Variants in MBTPS1 observed in about 807,000 individuals in gnomAD.
MBTPS1 encodes membrane bound transcription factor peptidase, site 1.
MBTPS1 carries 94 observed loss-of-function variants against 127.8 expected under a neutral mutation model. That is an observed-to-expected ratio of 0.74 (90% CI 0.62 to 0.87). The LOEUF (loss-of-function observed/expected upper bound fraction) is 0.87, where lower values mean the gene tolerates loss of function less well. Among genes scored for constraint, MBTPS1 ranks in the 40% least tolerant of loss-of-function variants. The pLI, the probability that MBTPS1 is intolerant of heterozygous loss-of-function variation, is 0.00. For synonymous variants in MBTPS1, 632 were observed against 509.4 expected (o/e 1.24, Z -3.24); for missense variants, 1,636 against 1,353.2 (o/e 1.21, Z -3.28).
intron 8 of MBTPS1, among the ~76,000 whole-genome samples, chr16:84,088,540 C>G (rs952315329): frequency 1.3e-5 from 2 of 152,212 alleles, no homozygotes; most frequent in Non-Finnish European, 2.9e-5. Flanking sequence ...CCACCCTCCT[C>G]TACCTGCTAA....
intron 1 of MBTPS1, among the ~76,000 whole-genome samples, chr16:84,111,058 C>T (rs115128671): frequency 6.6e-6 from 1 of 152,238 alleles, no homozygotes; most frequent in Non-Finnish European, 1.5e-5. Flanking sequence ...CTCACATCCT[C>T]ATTCCTAGAA....
chr16:84,101,899 T>G lies in MBTPS1; in HGVS notation c.-116A>C, dbSNP rs1205399347. 1 of 934,758 alleles carries G rather than the reference T, an allele frequency of 1.1e-6. No individual in the cohort carries two copies. Among genetic ancestry groups the G allele is most frequent in the Non-Finnish European group, 1.7e-6 (1 of 602,590 alleles). 57.9% of individuals were successfully genotyped at this position (934,758 alleles called of 1,614,324 possible). ...GCTGCAACATTACTAATCAGCCATC[T>G]TACAGTCTTGCCCAACATAAATAAA... On this transcript the variant is annotated 5_prime_UTR_variant, in exon 2 of 23. The change abolishes the stop of an existing upstream ORF in the 5' untranslated region. Coordinates refer to ENST00000343411, the MANE Select transcript of MBTPS1 (RefSeq NM_003791.4).
chr16:84,081,969 T>A, intron 10 of MBTPS1, 61 bp from the exon 11 acceptor site: 1 of 1,269,794 alleles, frequency 7.9e-7, no homozygotes. Flanking sequence ...ATTGGACCAC[T>A]AAAACCTAAC....
At chr16:84,059,769 G>T in intron 20 of MBTPS1, 4 of 160,032 alleles carry the variant, frequency 2.5e-5, no homozygotes, top group Non-Finnish European at 5.4e-5. Context: ...CGGTTTCATG[G>T]AAAAAATACT....
chr16:84,070,186 T>C (rs2085750056), intron 13 of MBTPS1, 148 bp from the exon 14 acceptor site: 1 of 699,606 alleles, frequency 1.4e-6, no homozygotes, highest in Non-Finnish European at 2.3e-6. Flanking sequence ...AAGATTCATG[T>C]ATCATAACTA....
chr16:84,112,741 G>A (rs1038166356), intron 1 of MBTPS1, among the ~76,000 whole-genome samples: 46 of 151,364 alleles, frequency 3.0e-4, no homozygotes, highest in Admixed American at 2.1e-3. Context: ...GTGGGAGGCC[G>A]AGACGGGCAG....
Position 84,070,073 on chromosome 16 carries a change from A to G in MBTPS1, c.1783-35T>C, listed in dbSNP as rs763779752. On this transcript the variant is annotated intron_variant, in intron 13 of 22. Coordinates refer to ENST00000343411, the MANE Select transcript of MBTPS1 (RefSeq NM_003791.4). ...AAGAAAAGAAACTTGAAACGCCCTCATTGTGCAGAAAGAAACTTTCAGGTT... is the reference window on the plus strand; with the variant it reads ...AAGAAAAGAAACTTGAAACGCCCTCGTTGTGCAGAAAGAAACTTTCAGGTT... The G allele has an allele frequency of 3.9e-6, 6 of 1,530,088 alleles. No individual in the cohort carries two copies. The Admixed American group carries it at 9.3e-5, about 24-fold the overall frequency. The allele number at this position is 1,530,088 out of a possible 1,614,324, so 94.8% of individuals were successfully genotyped here. A position where few individuals can be genotyped will look rare whatever the true frequency, so the allele number is the denominator to read the frequency against.
At chr16:84,071,312 G>A (rs774828803) in intron 12 of MBTPS1, among the ~76,000 whole-genome samples, 1 of 152,234 alleles carries the variant, frequency 6.6e-6, no homozygotes, top group Admixed American at 6.5e-5. Context: ...AGGGAAGCGT[G>A]AGCAGAGGCC....
intron 17 of MBTPS1, among the ~76,000 whole-genome samples, chr16:84,066,286 C>T (rs2085681920): frequency 6.6e-6 from 1 of 151,830 alleles, no homozygotes; most frequent in Non-Finnish European, 1.5e-5. Flanking sequence ...TTAGGAATGG[C>T]TACATAAAAT....
At chr16:84,069,031 C>G (rs1056299064) in intron 14 of MBTPS1, among the ~76,000 whole-genome samples, 4 of 152,196 alleles carry the variant, frequency 2.6e-5, no homozygotes, top group African/African-American at 9.7e-5. Flanking sequence ...ACGGGCTTGC[C>G]TTGGTCTATG....
chr16:84,057,664 G>C (rs113838934), intron 21 of MBTPS1: 2 of 152,192 alleles, frequency 1.3e-5, no homozygotes, highest in East Asian at 1.9e-4. Flanking sequence ...ATCTCTTTTG[G>C]AGACTCAGAA....
At chr16:84,102,227 A>G (rs1198502366) in intron 1 of MBTPS1, 120 bp from the exon 2 acceptor site, 1 of 153,688 alleles carries the variant, frequency 6.5e-6, no homozygotes, top group Non-Finnish European at 1.4e-5. Context: ...AGGTGCCTGT[A>G]GATCAGCTGC....
chr16:84,059,732 T>A, intron 20 of MBTPS1: 1 of 191,466 alleles, frequency 5.2e-6, no homozygotes, highest in Non-Finnish European at 1.1e-5. Context: ...CACGCAAGGC[T>A]ACACCTGCGA....
At position 84,056,066 on chromosome 16, in the gene MBTPS1, C is replaced by A. The variant is rs372288313; in HGVS notation, c.2901G>T (p.Ser967=). Residue 967 remains serine (S), a synonymous_variant, in exon 22 of 23, where the codon TCG becomes TCT. Transcript: ENST00000343411. ...LDKVVLPNFR[S]NRPQVRPLSP... The stretch of plus-strand genomic sequence containing the variant: ...ACAAGGGCCTCACTTGAGGGCGATT[C>A]GATCGAAAGTTGGGTAACACCACCT... 8 of 1,613,964 alleles carry A rather than the reference C, an allele frequency of 5.0e-6. No individual in the cohort carries two copies. In the African/African-American group the frequency reaches 5.3e-5, roughly 11 times the overall value.
At chr16:84,100,000 G>A (rs1365057509) in intron 2 of MBTPS1, among the ~76,000 whole-genome samples, 3 of 152,212 alleles carry the variant, frequency 2.0e-5, no homozygotes, top group Admixed American at 2.0e-4. Context: ...TTCCAGAGTG[G>A]ATTATGTGAG....
At chr16:84,094,873 A>T (rs747614568) in intron 4 of MBTPS1, among the ~76,000 whole-genome samples, 1 of 152,230 alleles carries the variant, frequency 6.6e-6, no homozygotes, top group Non-Finnish European at 1.5e-5. Context: ...AGGAGATCAA[A>T]GGAGAGGTAA....
At chr16:84,058,443 CGGCCAGGG>C (rs2085552367) in intron 21 of MBTPS1, among the ~76,000 whole-genome samples, 1 of 152,172 alleles carries the variant, frequency 6.6e-6, no homozygotes, top group African/African-American at 2.4e-5. Context: ...GGGTACCAGG[CGGCCAGGG>C]GGCCTCGGAG....
intron 1 of MBTPS1, among the ~76,000 whole-genome samples, chr16:84,107,359 T>C (rs1013418291): frequency 6.6e-6 from 1 of 152,020 alleles, no homozygotes; most frequent in African/African-American, 2.4e-5. Flanking sequence ...GAAGGTGCCT[T>C]CAAGTGTAAA....
In MBTPS1 at chr16:84,101,983, C is replaced by A; in HGVS notation, c.-200G>T. 1.9e-6 allele frequency: 1 copy of A among 540,508 alleles called. No homozygotes were observed. The highest frequency in any genetic ancestry group is 3.3e-6 in the Non-Finnish European group (1 of 302,880). 33.5% of individuals were successfully genotyped at this position (540,508 alleles called of 1,614,324 possible). On this transcript the variant is annotated 5_prime_UTR_variant, in exon 2 of 23. Coordinates refer to ENST00000343411, the MANE Select transcript of MBTPS1 (RefSeq NM_003791.4). ...GAAGAGAGGCTTTCATTTCTTTCTC[C>A]GCTTCTTCTCCATCTTGGAAATAAG...
Sources: allele counts gnomAD v4.1 joint callset (sites outside exome capture counted in the v4.1 genomes callset), GRCh38; gene constraint gnomAD v4.1.1; transcripts MANE v1.5; gene names NCBI Gene and HGNC (gene_info 2026-07-23, HGNC 2026-07-21).